Variants in SPATA17 observed in about 807,000 individuals in gnomAD.
The protein encoded by SPATA17 is spermatogenesis associated 17.
A neutral mutation model predicts 62.2 loss-of-function variants in SPATA17; 53 were observed. The observed-to-expected ratio is 0.85, with a 90% confidence interval of 0.68 to 1.07. SPATA17 has a LOEUF of 1.07. SPATA17 is among the 50% of genes least tolerant of loss of function. SPATA17 has a pLI of 0.00. For synonymous variants in SPATA17, 146 were observed against 146.8 expected (o/e 0.99, Z 0.04); for missense variants, 466 against 425.5 (o/e 1.10, Z -0.84).
At chr1:217,804,852 A>G (rs1025696110) in intron 9 of SPATA17, among the ~76,000 whole-genome samples, 33 of 152,136 alleles carry the variant, frequency 2.2e-4, no homozygotes, top group African/African-American at 7.7e-4. Context: ...AACTTCACAC[A>G]TGTTAGAATG....
intron 5 of SPATA17, among the ~76,000 whole-genome samples, chr1:217,703,863 C>T (rs903344735): frequency 2.6e-5 from 4 of 151,884 alleles, no homozygotes; most frequent in Non-Finnish European, 5.9e-5. Context: ...GTAATTTGTA[C>T]CTATTTTCCA....
In SPATA17 at chr1:217,673,250, C is replaced by T. The variant is rs17046754; in HGVS notation, c.291+4167C>T. Among the ~76,000 whole-genome samples the T allele has an allele frequency of 6.1e-4, 93 of 152,130 alleles. 1 individual carries two copies. The East Asian group carries it at 0.015, about 25-fold the overall frequency. ...TTTGCTCAAGTATCATAACACACAC[C>T]GATTTGAAGGAGGTTTGCTGTGATA... On this transcript the variant is annotated intron_variant, in intron 4 of 10. Transcript: ENST00000366933.
chr1:217,744,091 A>C (rs1444997959), intron 6 of SPATA17, among the ~76,000 whole-genome samples: 4 of 152,136 alleles, frequency 2.6e-5, no homozygotes, highest in Non-Finnish European at 5.9e-5. Flanking sequence ...ACAGTATTAT[A>C]GAGACTTTCT....
chr1:217,801,674 C>A (rs1386962966), intron 8 of SPATA17, 44 bp from the exon 9 acceptor site: 1 of 1,516,840 alleles, frequency 6.6e-7, no homozygotes, highest in Middle Eastern at 2.1e-4. Context: ...AATCAAATGT[C>A]TCTAGAAATC....
intron 1 of SPATA17, among the ~76,000 whole-genome samples, chr1:217,642,857 C>G (rs1359010042): frequency 6.6e-6 from 1 of 152,158 alleles, no homozygotes; most frequent in East Asian, 1.9e-4. Flanking sequence ...TTTACTTACC[C>G]AGTCTTGTGT....
intron 9 of SPATA17, among the ~76,000 whole-genome samples, chr1:217,845,357 A>G (rs1306568765): frequency 6.6e-6 from 1 of 152,022 alleles, no homozygotes; most frequent in African/African-American, 2.4e-5. Context: ...GTCTCTTTGG[A>G]TCGAAGCCTC....
chr1:217,856,599 A>AT (rs1675791421), intron 9 of SPATA17, among the ~76,000 whole-genome samples: 1 of 152,134 alleles, frequency 6.6e-6, no homozygotes, highest in South Asian at 2.1e-4. Context: ...ATCAGCTAAA[A>AT]TTTTTTTCTC....
intron 6 of SPATA17, among the ~76,000 whole-genome samples, chr1:217,766,076 C>T (rs1673293347): frequency 6.6e-6 from 1 of 151,802 alleles, no homozygotes; most frequent in African/African-American, 2.4e-5. Context: ...TTCTTTTAGA[C>T]TACTTATAAT....
intron 9 of SPATA17, among the ~76,000 whole-genome samples, chr1:217,849,602 G>A (rs1675602326): frequency 6.6e-6 from 1 of 152,022 alleles, no homozygotes; most frequent in Non-Finnish European, 1.5e-5. Flanking sequence ...TAATTGAGGT[G>A]GTGAGTAGGA....
chr1:217,850,250 C>A (rs962197380), intron 9 of SPATA17, among the ~76,000 whole-genome samples: 4 of 151,794 alleles, frequency 2.6e-5, no homozygotes, highest in Non-Finnish European at 5.9e-5. Flanking sequence ...CCAGAATTTT[C>A]TTTAATGCTA....
chr1:217,683,231 A>G, intron 4 of SPATA17, 27 bp from the exon 5 acceptor site: 1 of 1,506,788 alleles, frequency 6.6e-7, no homozygotes, highest in Middle Eastern at 1.9e-4. Flanking sequence ...TTAATGGCAT[A>G]TTTTATCTCT....
chr1:217,808,584 T>C (rs1020005807), intron 9 of SPATA17, among the ~76,000 whole-genome samples: 5 of 152,298 alleles, frequency 3.3e-5, no homozygotes, highest in Non-Finnish European at 7.4e-5. Context: ...CTTGGCACAG[T>C]GGCCCACGCC....
intron 9 of SPATA17, among the ~76,000 whole-genome samples, chr1:217,829,559 T>TG (rs1558068112): frequency 8.0e-6 from 1 of 125,292 alleles, no homozygotes; most frequent in African/African-American, 3.1e-5. Context: ...ACCCAGCAGG[T>TG]GGAGGTTGCA....
chr1:217,635,643 G>T (rs1213279758), intron 1 of SPATA17, among the ~76,000 whole-genome samples: 1 of 152,100 alleles, frequency 6.6e-6, no homozygotes, highest in East Asian at 1.9e-4. Flanking sequence ...GGCAGAGGTT[G>T]AAGTGAGCCA....
At chr1:217,750,865 C>G (rs1672887621) in intron 6 of SPATA17, among the ~76,000 whole-genome samples, 1 of 152,136 alleles carries the variant, frequency 6.6e-6, no homozygotes, top group Non-Finnish European at 1.5e-5. Flanking sequence ...GATAAAGCAA[C>G]CTGCGCAAGG....
intron 1 of SPATA17, among the ~76,000 whole-genome samples, chr1:217,648,053 G>A (rs1180746909): frequency 3.3e-5 from 5 of 151,874 alleles, no homozygotes; most frequent in Non-Finnish European, 7.4e-5. Flanking sequence ...TTTGTTACAT[G>A]CAGTACAAAT....
At chr1:217,682,219 G>T (rs951495046) in intron 4 of SPATA17, among the ~76,000 whole-genome samples, 1 of 151,696 alleles carries the variant, frequency 6.6e-6, no homozygotes, top group African/African-American at 2.4e-5. Context: ...TCAGATAGGG[G>T]TATTAGAAAA....
intron 9 of SPATA17, among the ~76,000 whole-genome samples, chr1:217,829,763 G>T (rs1380089213): frequency 6.6e-6 from 1 of 151,650 alleles, no homozygotes; most frequent in African/African-American, 2.4e-5. Context: ...GGGGATTGGG[G>T]TGGCGAGAGA....
At chr1:217,755,768 A>G (rs1025027897) in intron 6 of SPATA17, among the ~76,000 whole-genome samples, 1 of 151,950 alleles carries the variant, frequency 6.6e-6, no homozygotes. Flanking sequence ...AATTATTTAT[A>G]TTTAGGTTCT....
Sources: allele counts gnomAD v4.1 joint callset (sites outside exome capture counted in the v4.1 genomes callset), GRCh38; gene constraint gnomAD v4.1.1; transcripts MANE v1.5; gene names NCBI Gene and HGNC (gene_info 2026-07-23, HGNC 2026-07-21).